Variants in LZIC observed in about 807,000 individuals in gnomAD.
The protein encoded by LZIC is protein LZIC.
A neutral mutation model predicts 25.4 loss-of-function variants in LZIC; 28 were observed. That is an observed-to-expected ratio of 1.10 (90% CI 0.82 to 1.51). The LOEUF is 1.51. Among genes scored for constraint, LZIC ranks in the 40% most tolerant of loss-of-function variants. The pLI is 0.00. For synonymous variants in LZIC, 65 were observed against 70.7 expected, an observed-to-expected ratio of 0.92 and a Z score of 0.40; for missense variants, 170 against 211.1, an observed-to-expected ratio of 0.81 and a Z score of 1.21.
intron 2 of LZIC, among the ~76,000 whole-genome samples, chr1:9,937,002 G>A (rs1041573390): frequency 1.3e-5 from 2 of 152,262 alleles, no homozygotes; most frequent in South Asian, 2.1e-4. Context: ...GGTGGCTCAC[G>A]CCTGTAACCC....
rs1640414888 is a variant in LZIC at position 9,935,521 on chromosome 1, A to C, written c.208T>G (p.Leu70Val). Reference protein sequence around the residue: ...LKKIMSGNMTLVDELSGMQLA... With the variant: ...LKKIMSGNMTVVDELSGMQLA... ...TGCATTCCACTTAGTTCATCTACCA[A>C]AGTCATATTTCCAGACATAATTTTC... The change falls in exon 4 of 8, where the codon TTG (leucine) becomes GTG (valine). Residue 70 changes from leucine (L) to valine (V), a missense_variant. By Grantham distance (32) the Leu-to-Val change is conservative (BLOSUM62 1). Coordinates refer to ENST00000377223, the MANE Select transcript of LZIC (RefSeq NM_032368.5). 2.5e-6 allele frequency: 4 copies of C among 1,610,950 alleles called. No homozygotes were observed. In the East Asian group the frequency reaches 8.9e-5, roughly 36 times the overall value.
At position 9,929,416 on chromosome 1, in the gene LZIC, G is replaced by C. The variant is rs1343467715; in HGVS notation, c.*983C>G. On this transcript the variant is annotated 3_prime_UTR_variant, in exon 8 of 8. Coordinates refer to ENST00000377223, the MANE Select transcript of LZIC (RefSeq NM_032368.5). ...CATAGGGACACATCTGCATATTTGA[G>C]CATACAGAGACATGTAAATACTCAG... The C allele has an allele frequency of 1.0e-6, 1 of 985,232 alleles. No homozygotes were observed. The highest frequency in any genetic ancestry group is 1.2e-6 in the Non-Finnish European group (1 of 829,892). 61.0% of individuals were successfully genotyped at this position (985,232 alleles called of 1,614,324 possible).
chr1:9,938,141 C>G (rs1281080267), intron 2 of LZIC, among the ~76,000 whole-genome samples: 2 of 151,954 alleles, frequency 1.3e-5, no homozygotes, highest in Non-Finnish European at 2.9e-5. Context: ...TCTTATTGGT[C>G]TTATGTATAT....
At chr1:9,938,765 ATCT>A (rs1242012192) in intron 2 of LZIC, among the ~76,000 whole-genome samples, 13 of 152,114 alleles carry the variant, frequency 8.5e-5, no homozygotes, top group African/African-American at 2.9e-4. Context: ...TCTCCTTTAA[ATCT>A]TCTTCGTTTT....
At chr1:9,935,692 T>C (rs1203373635) in intron 3 of LZIC, 65 bp from the exon 4 acceptor site, 3 of 1,386,888 alleles carry the variant, frequency 2.2e-6, no homozygotes, top group Non-Finnish European at 2.9e-6. Flanking sequence ...GCAATCTTAA[T>C]ACTTGTACAT....
intron 4 of LZIC, 146 bp from the exon 5 acceptor site, chr1:9,935,006 G>A (rs1234259188): frequency 7.3e-6 from 5 of 685,140 alleles, no homozygotes; most frequent in African/African-American, 3.6e-5. Context: ...GATCTGGAAG[G>A]ATATGTTGTG....
intron 2 of LZIC, among the ~76,000 whole-genome samples, chr1:9,936,985 C>T (rs1481104842): frequency 1.3e-5 from 2 of 151,728 alleles, no homozygotes; most frequent in East Asian, 1.9e-4. Flanking sequence ...CAAAAAAGGC[C>T]GGATGTGGTG....
chr1:9,922,348 T>C (rs988414227), downstream of LZIC: 14 of 984,794 alleles, frequency 1.4e-5, no homozygotes, highest in Middle Eastern at 5.2e-4. Flanking sequence ...TCATGTAACT[T>C]GGGGGCCGTC....
intron 4 of LZIC, 102 bp downstream of exon 4, chr1:9,935,390 T>C: frequency 7.9e-7 from 1 of 1,262,230 alleles, no homozygotes; most frequent in Non-Finnish European, 1.1e-6. Flanking sequence ...ACTGCCCCAC[T>C]GCACTCCAGC....
chr1:9,923,682 T>C (rs969232729), downstream of LZIC, among the ~76,000 whole-genome samples: 1 of 151,978 alleles, frequency 6.6e-6, no homozygotes, highest in African/African-American at 2.4e-5. Flanking sequence ...TCTGCTAGCA[T>C]TGGGTCAAGA....
rs551706607 is a variant in LZIC, at chr1:9,927,678, CTTTTTTT to C, written c.*2714_*2720del. Among the ~76,000 whole-genome samples, 7 of 106,650 alleles carry C rather than the reference CTTTTTTT, an allele frequency of 6.6e-5. No homozygotes were observed. The highest frequency in any genetic ancestry group is 3.2e-4 in the Admixed American group (3 of 9,260). 70.0% of individuals were successfully genotyped at this position (106,650 alleles called of 152,430 possible). A position where few individuals can be genotyped will look rare whatever the true frequency, so the allele number is the denominator to read the frequency against. ...AGGGTAAGGGAAGAATCTTCTTCCT[CTTTTTTT>C]TTTTTTTTTTTTTTTTGAGACCGTG... On this transcript the variant is annotated 3_prime_UTR_variant, in exon 8 of 8. Transcript: ENST00000377223.
intron 3 of LZIC, 75 bp downstream of exon 3, chr1:9,936,444 T>C: frequency 3.4e-6 from 3 of 884,530 alleles, no homozygotes; most frequent in Non-Finnish European, 5.7e-6. Flanking sequence ...TCATCACACA[T>C]GGGCCTGCAT....
Position 9,930,462 on chromosome 1 carries a change from G to C in LZIC, c.515-5C>G. The stretch of plus-strand genomic sequence containing the variant: ...CAAGAATTTTGTCTCCAGAGCCTAA[G>C]AAAAAAGACACATAATAAACAAAAA... On this transcript the variant is annotated splice_polypyrimidine_tract_variant and splice_region_variant and intron_variant, in intron 7 of 7. Transcript: ENST00000377223. 1 of 1,610,200 alleles carries C rather than the reference G, an allele frequency of 6.2e-7. No homozygotes were observed. Among genetic ancestry groups the C allele is most frequent in the Non-Finnish European group, 8.5e-7 (1 of 1,178,822 alleles).
chr1:9,923,575 G>A (rs1408770747), downstream of LZIC, among the ~76,000 whole-genome samples: 3 of 136,560 alleles, frequency 2.2e-5, no homozygotes, highest in African/African-American at 8.2e-5. Context: ...TAATGCCTAG[G>A]CTGGACTAGA....
Position 9,933,928 on chromosome 1 carries a change from A to C in LZIC, c.336+834T>G, listed in dbSNP as rs200837718. Among the ~76,000 whole-genome samples, 8 of 151,644 alleles carry C rather than the reference A, an allele frequency of 5.3e-5. No homozygotes were observed. In the East Asian group the frequency reaches 1.2e-3, roughly 22 times the overall value. On this transcript the variant is annotated intron_variant, in intron 5 of 7. Transcript: ENST00000377223. ...CAAAAACAACAACAACAACAAAAAA[A>C]CAAAAAACAAACAAAAGGCTAGGCG...
rs976661316 is a variant in LZIC, at chr1:9,929,985, T to C, written c.*414A>G. The C allele has an allele frequency of 1.0e-6, 1 of 987,008 alleles. No individual in the cohort carries two copies. The highest frequency in any genetic ancestry group is 1.2e-6 in the Non-Finnish European group (1 of 829,822). 61.1% of individuals were successfully genotyped at this position (987,008 alleles called of 1,614,324 possible). On this transcript the variant is annotated 3_prime_UTR_variant, in exon 8 of 8. Coordinates refer to ENST00000377223, the MANE Select transcript of LZIC (RefSeq NM_032368.5). ...AATTGTAAAATTCTATGAACACTTA[T>C]GAAGTCTATTGAGCTTGCGTCACTG...
At chr1:9,935,248 G>A (rs1439557493) in intron 4 of LZIC, among the ~76,000 whole-genome samples, 1 of 152,072 alleles carries the variant, frequency 6.6e-6, no homozygotes, top group African/African-American at 2.4e-5. Flanking sequence ...GACCAACATG[G>A]AGAAACCCCG....
chr1:9,937,909 C>A (rs941247800), intron 2 of LZIC, among the ~76,000 whole-genome samples: 1 of 137,932 alleles, frequency 7.2e-6, no homozygotes, highest in Non-Finnish European at 1.6e-5. Context: ...CAAAGAAAAT[C>A]TTAATTTAGA....
Position 9,929,521 on chromosome 1 carries a change from CCCTCT to C in LZIC, c.*873_*877del. On this transcript the variant is annotated 3_prime_UTR_variant, in exon 8 of 8. Transcript: ENST00000377223. The stretch of plus-strand genomic sequence containing the variant: ...AGTAGATAACAGCTGACAGTTACCC[CCCTCT>C]GAGTGTGACAAGAGGTCACGCACAG... 1.0e-6 allele frequency: 1 copy of C among 983,658 alleles called. No homozygotes were observed. Among genetic ancestry groups the C allele is most frequent in the Non-Finnish European group, 1.2e-6 (1 of 829,730 alleles). The allele number at this position is 983,658 out of a possible 1,614,324, so 60.9% of individuals were successfully genotyped here. A position where few individuals can be genotyped will look rare whatever the true frequency, so the allele number is the denominator to read the frequency against.
Sources: allele counts gnomAD v4.1 joint callset (sites outside exome capture counted in the v4.1 genomes callset), GRCh38; gene constraint gnomAD v4.1.1; transcripts MANE v1.5; gene names NCBI Gene and HGNC (gene_info 2026-07-23, HGNC 2026-07-21).